DCAF8L2: variants seen among roughly 807,000 people sequenced by gnomAD.
DCAF8L2 encodes the protein DDB1- and CUL4-associated factor 8-like protein 2.
For missense variants in DCAF8L2, 430 were observed against 490.7 expected (o/e 0.88, Z 1.17); for synonymous variants, 200 against 190.9 (o/e 1.05, Z -0.39).
intron 2 of DCAF8L2, among the ~76,000 whole-genome samples, chrX:27,655,851 A>G (rs1208939646): frequency 2.7e-5 from 3 of 111,524 alleles, no homozygotes; most frequent in Non-Finnish European, 5.7e-5. Context: ...ATCTATTTTT[A>G]TATGCTTTTA....
chrX:27,476,136 G>T, the DCAF8L2 span, among the ~76,000 whole-genome samples: 5 of 110,595 alleles, frequency 4.5e-5, no homozygotes, highest in African/African-American at 1.6e-4. Context: ...AGAAAGGATT[G>T]CAACTAGAGA....
At chrX:27,628,328 T>G (rs1928131568) in intron 1 of DCAF8L2, among the ~76,000 whole-genome samples, 1 of 111,956 alleles carries the variant, frequency 8.9e-6, no homozygotes, top group Non-Finnish European at 1.9e-5. Flanking sequence ...TATCCATTCA[T>G]GAGTTGATGC....
chrX:27,733,630 C>T (rs1184778978), intron 4 of DCAF8L2, among the ~76,000 whole-genome samples: 1 of 111,674 alleles, frequency 9.0e-6, no homozygotes, highest in Non-Finnish European at 1.9e-5. Context: ...AGTTTTCCCC[C>T]ATGTATTTTT....
intron 1 of DCAF8L2, among the ~76,000 whole-genome samples, chrX:27,626,661 AGAT>A (rs910996728): frequency 4.5e-5 from 5 of 112,215 alleles, no homozygotes; most frequent in African/African-American, 6.5e-5. Flanking sequence ...TTTCTTATGA[AGAT>A]AAGTCACCAT....
chrX:27,593,407 T>C (rs1372312877), intron 1 of DCAF8L2, among the ~76,000 whole-genome samples: 4 of 112,427 alleles, frequency 3.6e-5, no homozygotes. Context: ...AGGATGTCCT[T>C]CCTTTTTCAA....
intron 4 of DCAF8L2, among the ~76,000 whole-genome samples, chrX:27,735,610 A>G (rs999814777): frequency 8.9e-5 from 10 of 112,216 alleles, no homozygotes; most frequent in African/African-American, 2.9e-4. Flanking sequence ...TGGTGACAGG[A>G]GACTCGATCA....
chrX:27,577,647 A>AACCCTGTC, the DCAF8L2 span, among the ~76,000 whole-genome samples: 1 of 111,644 alleles, frequency 9.0e-6, no homozygotes, highest in Non-Finnish European at 1.9e-5. Context: ...TAATCTAGAA[A>AACCCTGTC]ACCCTGTCGT....
chrX:27,562,795 C>T, the DCAF8L2 span, among the ~76,000 whole-genome samples: 982 of 112,148 alleles, frequency 8.8e-3, 8 homozygotes, highest in Non-Finnish European at 0.014. Flanking sequence ...TAAAGGTATT[C>T]TCTGCCTCGG....
At chrX:27,587,980 AAAAAAAT>A (rs1331244586), upstream of DCAF8L2, among the ~76,000 whole-genome samples, 21 of 28,589 alleles carry the variant, frequency 7.3e-4, no homozygotes, top group South Asian at 0.011. Context: ...TCCATTAAAA[AAAAAAAT>A]ATATATATAT....
At chrX:27,582,799 A>G in the DCAF8L2 span, among the ~76,000 whole-genome samples, 1 of 110,845 alleles carries the variant, frequency 9.0e-6, no homozygotes, top group African/African-American at 3.3e-5. Flanking sequence ...TAGCATCCCA[A>G]TTGTGCTCAA....
intron 1 of DCAF8L2, among the ~76,000 whole-genome samples, chrX:27,595,717 G>A (rs1415636903): frequency 8.9e-6 from 1 of 112,101 alleles, no homozygotes; most frequent in Non-Finnish European, 1.9e-5. Flanking sequence ...CTTTAAAAAT[G>A]TTCCTTGAGG....
intron 4 of DCAF8L2, among the ~76,000 whole-genome samples, chrX:27,729,847 A>T: frequency 8.9e-6 from 1 of 111,791 alleles, no homozygotes. Flanking sequence ...GCAGTCCTAA[A>T]CCAATTTTGA....
intron 2 of DCAF8L2, among the ~76,000 whole-genome samples, chrX:27,639,586 A>G (rs1464488122): frequency 2.7e-5 from 3 of 111,820 alleles, no homozygotes; most frequent in Non-Finnish European, 5.6e-5. Flanking sequence ...AGTATCTACA[A>G]CTATATATAT....
intron 3 of DCAF8L2, among the ~76,000 whole-genome samples, chrX:27,714,421 A>G (rs1055638944): frequency 2.7e-5 from 3 of 110,750 alleles, no homozygotes; most frequent in Non-Finnish European, 3.8e-5. Context: ...CACCTAAAAC[A>G]TCTTTTTCCT....
intron 4 of DCAF8L2, among the ~76,000 whole-genome samples, chrX:27,726,150 C>T (rs886343186): frequency 9.0e-6 from 1 of 111,490 alleles, no homozygotes. Context: ...GCATTTCTCT[C>T]TAGTCCTTTT....
chrX:27,584,751 T>G, the DCAF8L2 span, among the ~76,000 whole-genome samples: 1 of 112,013 alleles, frequency 8.9e-6, no homozygotes, highest in African/African-American at 3.2e-5. Flanking sequence ...TATGCTATTG[T>G]CATTTCATAA....
At chrX:27,561,613 C>A in the DCAF8L2 span, among the ~76,000 whole-genome samples, 1 of 111,271 alleles carries the variant, frequency 9.0e-6, no homozygotes, top group Non-Finnish European at 1.9e-5. Context: ...CCTAAAAAAA[C>A]ACTAATTAGC....
At chrX:27,707,429 G>A (rs1009867161) in intron 3 of DCAF8L2, among the ~76,000 whole-genome samples, 2 of 111,586 alleles carry the variant, frequency 1.8e-5, no homozygotes, top group Non-Finnish European at 3.8e-5. Flanking sequence ...TAGAGACACA[G>A]ATATATGATG....
At chrX:27,615,524 A>ATCT (rs1555919235) in intron 1 of DCAF8L2, among the ~76,000 whole-genome samples, 2 of 104,430 alleles carry the variant, frequency 1.9e-5, no homozygotes, top group African/African-American at 3.6e-5. Flanking sequence ...AGATTCTATC[A>ATCT]ATCTATCTAT....
Sources: gnomAD v4.1 joint callset for allele counts (sites outside exome capture counted in the v4.1 genomes callset) on GRCh38, gnomAD v4.1.1 for gene constraint, MANE v1.5 for transcripts, NCBI Gene and HGNC (gene_info 2026-07-23, HGNC 2026-07-21) for gene names.